Variants in APOB observed in about 807,000 individuals in gnomAD.
APOB encodes the protein apolipoprotein B.
APOB carries 153 observed loss-of-function variants against 314.1 expected under a neutral mutation model. That is an observed-to-expected ratio of 0.49 (90% CI 0.43 to 0.56). The LOEUF (loss-of-function observed/expected upper bound fraction) is 0.56, where lower values mean the gene tolerates loss of function less well. APOB is among the 20% of genes least tolerant of loss of function. The pLI is 0.00. For missense variants in APOB, 5,430 were observed against 5,350.7 expected, an observed-to-expected ratio of 1.01 and a Z score of -0.46; for synonymous variants, 2,087 against 2,036.4, an observed-to-expected ratio of 1.02 and a Z score of -0.67.
At chr2:21,029,534 A>G in intron 12 of APOB, 105 bp downstream of exon 12, 2 of 1,274,028 alleles carry the variant, frequency 1.6e-6, no homozygotes, top group Non-Finnish European at 2.3e-6. Flanking sequence ...GGAAAGAAAC[A>G]GCAGAATAAA....
Position 21,010,762 on chromosome 2 carries a change from T to C in APOB, c.6106A>G (p.Ile2036Val), listed in dbSNP as rs770259546. 1 of 1,614,094 alleles carries C rather than the reference T, an allele frequency of 6.2e-7. No individual in the cohort carries two copies. Among genetic ancestry groups the C allele is most frequent in the Middle Eastern group, 1.7e-4 (1 of 6,060 alleles). ...VPLLLSEPIN[I>V]IDALEMRDAV... ...TCTCTCATCTCTAAAGCATCAATGA[T>C]ATTGATGGGCTCACTGAGTAAAAGT... Residue 2036 changes from isoleucine to valine, a missense_variant, in exon 26 of 29, where the codon ATC becomes GTC. By Grantham distance (29) the Ile-to-Val change is conservative. Transcript: ENST00000233242.
At position 21,008,903 on chromosome 2, in the gene APOB, G is replaced by A. The variant is rs142069954; in HGVS notation, c.7965C>T (p.Thr2655=). 1.2e-6 allele frequency: 2 copies of A among 1,613,940 alleles called. No homozygotes were observed. Among genetic ancestry groups the A allele is most frequent in the Non-Finnish European group, 1.7e-6 (2 of 1,179,950 alleles). The change falls in exon 26 of 29, where the codon ACC becomes ACT. Residue 2655 remains threonine (T), a synonymous_variant. Coordinates refer to ENST00000233242, the MANE Select transcript of APOB (RefSeq NM_000384.3). ...FSTPEFTILN[T]FHIPSFTIDF... ...CAATTGTAAAGGAAGGAATGTGGAA[G>A]GTGTTAAGGATGGTAAATTCTGGTG...
In APOB at chr2:21,012,592, G is replaced by C. The variant is rs1292569038; in HGVS notation, c.4276C>G (p.Leu1426Val). The change falls in exon 26 of 29, where the codon CTA (leucine) becomes GTA (valine). Residue 1426 changes from leucine to valine, a missense_variant. Leu to Val is a conservative substitution (Grantham distance 32). Around this residue, in one of 3 missense-constraint regions of APOB, gnomAD observed 2,085 missense variants for 2,079.7 expected, o/e 1.00. Coordinates refer to ENST00000233242, the MANE Select transcript of APOB (RefSeq NM_000384.3). The stretch of plus-strand genomic sequence containing the variant: ...TTCGAATCTAGAAATTTGTGGCGTA[G>C]AGACCCATCACATGATAGTGTGAAC... ...NTFTLSCDGS[L>V]RHKFLDSNIK... 1 of 1,613,518 alleles carries C rather than the reference G, an allele frequency of 6.2e-7. No individual in the cohort carries two copies. The highest frequency in any genetic ancestry group is 1.1e-5 in the South Asian group (1 of 91,054).
chr2:21,022,468 T>C (rs781099071), intron 18 of APOB, among the ~76,000 whole-genome samples: 79 of 152,248 alleles, frequency 5.2e-4, no homozygotes, highest in African/African-American at 1.2e-3. Flanking sequence ...GGGGGGAAAA[T>C]ATTAATTTTC....
intron 10 of APOB, 27 bp downstream of exon 10, chr2:21,032,324 TAGG>T (rs1296759678): frequency 6.3e-7 from 1 of 1,595,718 alleles, no homozygotes; most frequent in Non-Finnish European, 8.6e-7. Context: ...CCTCTGCTCC[TAGG>T]AGGAGAAATA....
chr2:21,007,680 C>G lies in APOB; in HGVS notation c.9188G>C (p.Arg3063Thr). ...EGNLKVRFPL[R>T]LTGKIDFLNN... ...CAGGAAGTCTATCTTCCCTGTTAACCTTAATGGAAAACGAACTTTCAAATT... is the reference window on the plus strand; with the variant it reads ...CAGGAAGTCTATCTTCCCTGTTAACGTTAATGGAAAACGAACTTTCAAATT... Residue 3063 changes from arginine to threonine, a missense_variant, in exon 26 of 29, where the codon AGG becomes ACG. Physicochemically the swap from Arg to Thr is moderately conservative, Grantham distance 71 (BLOSUM62 -1). Transcript: ENST00000233242. 1 of 1,614,030 alleles carries G rather than the reference C, an allele frequency of 6.2e-7. No individual in the cohort carries two copies. Among genetic ancestry groups the G allele is most frequent in the Non-Finnish European group, 8.5e-7 (1 of 1,179,942 alleles).
chr2:21,004,449 T>A lies in APOB; in HGVS notation c.11907A>T (p.Glu3969Asp), dbSNP rs1402554708. The A allele has an allele frequency of 3.1e-6, 5 of 1,613,972 alleles. No individual in the cohort carries two copies. In the South Asian group the frequency reaches 5.5e-5, roughly 18 times the overall value. The change falls in exon 28 of 29, where the codon GAA becomes GAT. Residue 3969 changes from glutamate (E) to aspartate (D), a missense_variant. By Grantham distance (45) the Glu-to-Asp change is conservative. This residue lies in a region of APOB where 3,281 missense variants were observed against 3,171.0 expected (regional missense o/e 1.03). Coordinates refer to ENST00000233242, the MANE Select transcript of APOB (RefSeq NM_000384.3). The part of the protein sequence containing the change: ...EEDGKYEGLQ[E>D]WEGKAHLNIK... ...TATTGAGGTGCGCTTTTCCTTCCCA[T>A]TCCCTGAAAGCAGAAAAACAGATGA...
In APOB at chr2:21,009,739, G is replaced by A; in HGVS notation, c.7129C>T (p.Leu2377=). 1 of 1,613,836 alleles carries A rather than the reference G, an allele frequency of 6.2e-7. No individual in the cohort carries two copies. The highest frequency in any genetic ancestry group is 8.5e-7 in the Non-Finnish European group (1 of 1,179,904). Residue 2377 remains leucine, a synonymous_variant, in exon 26 of 29, where the codon CTA becomes TTA. Transcript: ENST00000233242. The part of the protein sequence containing the change: ...QYKLKETIQK[L]SNVLQQVKIK... ...TTAACTTGTTGTAGGACATTGCTTA[G>A]CTTCTGAATAGTCTCCTTCAACTTG...
chr2:21,016,629 T>C lies in APOB; in HGVS notation c.3142A>G (p.Thr1048Ala). Residue 1048 changes from threonine to alanine, a missense_variant, in exon 21 of 29, where the codon ACC becomes GCC. Thr to Ala is a moderately conservative substitution (Grantham distance 58). Transcript: ENST00000233242. ...TGCCGATTATATTTGAATGTCATGGTAGCCTCAGTCTGCTTCGCACCTGGA... is the reference window on the plus strand; with the variant it reads ...TGCCGATTATATTTGAATGTCATGGCAGCCTCAGTCTGCTTCGCACCTGGA... Reference protein sequence around the residue: ...QAEGAKQTEATMTFKYNRQSM... With the variant: ...QAEGAKQTEAAMTFKYNRQSM... The C allele has an allele frequency of 6.2e-7, 1 of 1,608,634 alleles. No individual in the cohort carries two copies.
At chr2:21,028,591 C>G in intron 12 of APOB, 53 bp from the exon 13 acceptor site, 1 of 1,272,250 alleles carries the variant, frequency 7.9e-7, no homozygotes, top group Non-Finnish European at 1.1e-6. Flanking sequence ...GAACACAGAA[C>G]ATGCCTGGCA....
intron 8 of APOB, among the ~76,000 whole-genome samples, chr2:21,034,240 A>G (rs973998569): frequency 6.6e-6 from 1 of 152,220 alleles, no homozygotes; most frequent in Non-Finnish European, 1.5e-5. Context: ...GGCCTTGACT[A>G]CATCAAACTC....
In APOB at chr2:21,028,550, A is replaced by G; in HGVS notation, c.1618-12T>C. ...AGAACCTCCTGGTCCTGCAGTCAAA[A>G]GAGGAGATGGTTATCACTGTCCTGT... is the stretch of plus-strand genomic sequence containing the variant. On this transcript the variant is annotated splice_polypyrimidine_tract_variant and intron_variant, in intron 12 of 28. Coordinates refer to ENST00000233242, the MANE Select transcript of APOB (RefSeq NM_000384.3). 1 of 1,590,840 alleles carries G rather than the reference A, an allele frequency of 6.3e-7. No individual in the cohort carries two copies. The highest frequency in any genetic ancestry group is 8.6e-7 in the Non-Finnish European group (1 of 1,163,014).
chr2:21,008,329 C>T lies in APOB; in HGVS notation c.8539G>A (p.Gly2847Arg). ...TTTGATTTTCCCTCAATAGCATTTCCAAAAAACAGCATTTCACTCCCATGC... is the reference window on the plus strand; with the variant it reads ...TTTGATTTTCCCTCAATAGCATTTCTAAAAAACAGCATTTCACTCCCATGC... Reference protein sequence around the residue: ...TEHGSEMLFFGNAIEGKSNTV... With the variant: ...TEHGSEMLFFRNAIEGKSNTV... The change falls in exon 26 of 29, where the codon GGA (glycine) becomes AGA (arginine). Residue 2847 changes from glycine to arginine, a missense_variant. Around this residue, in one of 3 missense-constraint regions of APOB, gnomAD observed 3,281 missense variants for 3,171.0 expected, o/e 1.03. Transcript: ENST00000233242. 2.5e-6 allele frequency: 4 copies of T among 1,612,710 alleles called. No homozygotes were observed. Among genetic ancestry groups the T allele is most frequent in the Non-Finnish European group, 8.5e-7 (1 of 1,179,106 alleles).
At position 21,029,893 on chromosome 2, in the gene APOB, A is replaced by T; in HGVS notation, c.1470+5T>A. 6.2e-7 allele frequency: 1 copy of T among 1,611,728 alleles called. No homozygotes were observed. The highest frequency in any genetic ancestry group is 8.5e-7 in the Non-Finnish European group (1 of 1,178,080). ...GATGTATGTCATATAAAAGACTGAG[A>T]TTACCCGCAGAATCAAATAGGTGTA... On this transcript the variant is annotated splice_donor_5th_base_variant and intron_variant, in intron 11 of 28. Transcript: ENST00000233242.
rs1289380655 is a variant in APOB, at chr2:21,019,862, G to A, written c.2860C>T (p.Pro954Ser). The change falls in exon 19 of 29, where the codon CCA (proline) becomes TCA (serine). Residue 954 changes from proline to serine, a missense_variant. Physicochemically the swap from Pro to Ser is moderately conservative, Grantham distance 74. Transcript: ENST00000233242. ...LVSTTKTEVI[P>S]PLIENRQSWS... ...GACTGCCTGTTCTCAATGAGAGGTG[G>A]GATCACCTCCGTTTTGGTGGTAGAG... The A allele has an allele frequency of 6.2e-7, 1 of 1,614,066 alleles. No homozygotes were observed. Among genetic ancestry groups the A allele is most frequent in the South Asian group, 1.1e-5 (1 of 91,064 alleles).
chr2:21,031,403 C>T (rs12720767), intron 10 of APOB, among the ~76,000 whole-genome samples: 98 of 152,216 alleles, frequency 6.4e-4, no homozygotes, highest in African/African-American at 2.3e-3. Context: ...AAATAATGTG[C>T]ACACAAGGAC....
chr2:21,012,514 A>T lies in APOB; in HGVS notation c.4354T>A (p.Leu1452Ile). ...GAACTAGATGCATCGAATATTAGTA[A>T]ACCTTTTGAGACTGGGTTGTTTCCA... ...KLGNNPVSKG[L>I]LIFDASSSWG... Residue 1452 changes from leucine (L) to isoleucine (I), a missense_variant, in exon 26 of 29, where the codon TTA becomes ATA. Leu to Ile is a conservative substitution (Grantham distance 5). Around this residue, in one of 3 missense-constraint regions of APOB, gnomAD observed 2,085 missense variants for 2,079.7 expected, o/e 1.00. Transcript: ENST00000233242. The T allele has an allele frequency of 1.2e-6, 2 of 1,614,230 alleles. No homozygotes were observed. Among genetic ancestry groups the T allele is most frequent in the Non-Finnish European group, 1.7e-6 (2 of 1,180,048 alleles).
chr2:21,006,931 G>C lies in APOB; in HGVS notation c.9937C>G (p.Leu3313Val). Residue 3313 changes from leucine (L) to valine (V), a missense_variant, in exon 26 of 29, where the codon CTC (leucine) becomes GTC (valine). This residue lies in a region of APOB where 3,281 missense variants were observed against 3,171.0 expected (regional missense o/e 1.03). Transcript: ENST00000233242. The part of the protein sequence containing the change: ...ELPVLHVPRN[L>V]KLSLPDFKEL... ...TTGAAATCTGGAAGAGAAAGCTTGA[G>C]ATTTCTAGGGACATGAAGGACTGGC... 6.2e-7 allele frequency: 1 copy of C among 1,614,096 alleles called. No homozygotes were observed. Among genetic ancestry groups the C allele is most frequent in the Non-Finnish European group, 8.5e-7 (1 of 1,179,968 alleles).
chr2:21,037,977 G>A lies in APOB; in HGVS notation c.518C>T (p.Ala173Val). 2 of 1,614,160 alleles carry A rather than the reference G, an allele frequency of 1.2e-6. No homozygotes were observed. Among genetic ancestry groups the A allele is most frequent in the Non-Finnish European group, 1.7e-6 (2 of 1,180,044 alleles). Residue 173 changes from alanine (A) to valine (V), a missense_variant, in exon 5 of 29, where the codon GCC becomes GTC. Physicochemically the swap from Ala to Val is moderately conservative, Grantham distance 64 (BLOSUM62 0). Transcript: ENST00000233242. Reference protein sequence around the residue: ...ALLVPPETEEAKQVLFLDTVY... With the variant: ...ALLVPPETEEVKQVLFLDTVY... ...CCTCACCAGAAACAACACTTGCTTG[G>A]CTTCTTCTGTCTCTGGGGGAACCAG...
Sources: gnomAD v4.1 joint callset for allele counts (sites outside exome capture counted in the v4.1 genomes callset) on GRCh38, gnomAD v4.1.1 for gene constraint, gnomAD v4.1.1 regional missense constraint, MANE v1.5 for transcripts, NCBI Gene and HGNC (gene_info 2026-07-23, HGNC 2026-07-21) for gene names.